The following ALK variants were observed in gnomAD, a reference collection of about 807,000 sequenced individuals.
ALK encodes ALK receptor tyrosine kinase, also known as ALK tyrosine kinase receptor.
ALK carries 74 observed loss-of-function variants against 163.1 expected under a neutral mutation model. That is an observed-to-expected ratio of 0.45 (90% CI 0.38 to 0.55). The LOEUF (loss-of-function observed/expected upper bound fraction) is 0.55, where lower values mean the gene tolerates loss of function less well. ALK is among the 20% of genes least tolerant of loss of function. The pLI, the probability that ALK is intolerant of heterozygous loss-of-function variation, is 0.00. For missense variants in ALK, 2,063 were observed against 2,105.3 expected (o/e 0.98, Z 0.39); for synonymous variants, 960 against 843.2 (o/e 1.14, Z -2.40).
At chr2:29,385,678 A>T (rs1022073581) in intron 4 of ALK, among the ~76,000 whole-genome samples, 9 of 152,186 alleles carry the variant, frequency 5.9e-5, no homozygotes, top group Non-Finnish European at 1.3e-4. Flanking sequence ...GGTGTGAGCC[A>T]CTGCATCAAG....
At chr2:29,255,729 C>G (rs1199548526) in intron 11 of ALK, among the ~76,000 whole-genome samples, 1 of 152,140 alleles carries the variant, frequency 6.6e-6, no homozygotes, top group African/African-American at 2.4e-5. Flanking sequence ...TTGTCTTTTT[C>G]AGAACCTTAC....
At chr2:29,567,491 A>G (rs1378570804) in intron 3 of ALK, among the ~76,000 whole-genome samples, 4 of 152,194 alleles carry the variant, frequency 2.6e-5, no homozygotes, top group Non-Finnish European at 5.9e-5. Flanking sequence ...TTGAATTGAC[A>G]CAGCTTTTGT....
At chr2:29,237,271 G>T (rs1664410321) in intron 13 of ALK, among the ~76,000 whole-genome samples, 1 of 152,116 alleles carries the variant, frequency 6.6e-6, no homozygotes, top group East Asian at 1.9e-4. Context: ...CCCTTCCCTT[G>T]TGTCCATAGA....
At chr2:29,288,361 A>G (rs1165407782) in intron 9 of ALK, among the ~76,000 whole-genome samples, 1 of 152,162 alleles carries the variant, frequency 6.6e-6, no homozygotes, top group African/African-American at 2.4e-5. Context: ...CCACACACCC[A>G]TATCCCTCTC....
At chr2:29,638,044 T>C (rs1253759812) in intron 3 of ALK, among the ~76,000 whole-genome samples, 2 of 152,134 alleles carry the variant, frequency 1.3e-5, no homozygotes, top group African/African-American at 4.8e-5. Flanking sequence ...AGATCAGAGC[T>C]TTTTAGAGGG....
At chr2:29,455,147 G>T (rs1223446293) in intron 4 of ALK, among the ~76,000 whole-genome samples, 2 of 152,134 alleles carry the variant, frequency 1.3e-5, no homozygotes, top group African/African-American at 4.8e-5. Context: ...AGAGAGACGA[G>T]ACTTTAAGAG....
At chr2:29,194,272 C>T (rs1257634865) in intron 28 of ALK, among the ~76,000 whole-genome samples, 2 of 151,222 alleles carry the variant, frequency 1.3e-5, no homozygotes, top group Admixed American at 1.3e-4. Context: ...TCTAGTTCCA[C>T]TAAAATCGTT....
chr2:29,887,709 A>G (rs1667020417), intron 1 of ALK, among the ~76,000 whole-genome samples: 1 of 152,154 alleles, frequency 6.6e-6, no homozygotes, highest in Admixed American at 6.6e-5. Context: ...GGACATTTTA[A>G]AAGTCACACT....
intron 1 of ALK, among the ~76,000 whole-genome samples, chr2:29,828,388 G>A (rs757362669): frequency 9.2e-5 from 14 of 152,164 alleles, no homozygotes; most frequent in Non-Finnish European, 1.9e-4. Flanking sequence ...GCAACCTACA[G>A]AATGGGAGAG....
chr2:29,713,628 A>G (rs1679168124), intron 2 of ALK, among the ~76,000 whole-genome samples: 1 of 152,174 alleles, frequency 6.6e-6, no homozygotes, highest in South Asian at 2.1e-4. Flanking sequence ...TTGTGATATG[A>G]TAGAAAGAGC....
At chr2:29,395,635 T>A (rs1215541764) in intron 4 of ALK, among the ~76,000 whole-genome samples, 1 of 152,204 alleles carries the variant, frequency 6.6e-6, no homozygotes, top group African/African-American at 2.4e-5. Flanking sequence ...GAAATGAGAA[T>A]TGTTGCTCTA....
chr2:29,708,828 T>C (rs1678988073), intron 2 of ALK, among the ~76,000 whole-genome samples: 2 of 152,114 alleles, frequency 1.3e-5, no homozygotes, highest in Non-Finnish European at 2.9e-5. Context: ...CAGATGTGGC[T>C]ATTTGATCAG....
At chr2:29,212,186 C>T (rs1453548768) in intron 24 of ALK, among the ~76,000 whole-genome samples, 2 of 151,806 alleles carry the variant, frequency 1.3e-5, no homozygotes, top group African/African-American at 4.8e-5. Context: ...ACGCGGGTTG[C>T]TCTCATAGGA....
intron 1 of ALK, among the ~76,000 whole-genome samples, chr2:29,801,832 A>G (rs1664474171): frequency 6.6e-6 from 1 of 152,242 alleles, no homozygotes; most frequent in African/African-American, 2.4e-5. Context: ...ATTAAGAATC[A>G]GCTTTAGGAT....
Position 29,216,900 on chromosome 2 carries a change from G to A in ALK, c.3646-2819C>T, listed in dbSNP as rs111206627. On this transcript the variant is annotated intron_variant, in intron 23 of 28. Coordinates refer to ENST00000389048, the MANE Select transcript of ALK (RefSeq NM_004304.5). The stretch of plus-strand genomic sequence containing the variant: ...GCGTGGCATGTGTGATTGGTTGTGA[G>A]TATATGTGGTATATGTCTTTATGGT... Among the ~76,000 whole-genome samples, 678 of 132,126 alleles carry A rather than the reference G, an allele frequency of 5.1e-3. 3 individuals are homozygous for A. Among genetic ancestry groups the A allele is most frequent in the African/African-American group, 0.018 (659 of 36,944 alleles). 86.7% of individuals were successfully genotyped at this position (132,126 alleles called of 152,430 possible). A position where few individuals can be genotyped will look rare whatever the true frequency, so the allele number is the denominator to read the frequency against.
chr2:29,849,618 A>G (rs967812963), intron 1 of ALK, among the ~76,000 whole-genome samples: 2 of 152,212 alleles, frequency 1.3e-5, no homozygotes, highest in African/African-American at 4.8e-5. Flanking sequence ...AGAAACATTT[A>G]CCAAGTGTCC....
intron 4 of ALK, among the ~76,000 whole-genome samples, chr2:29,415,866 G>A (rs748594195): frequency 6.6e-6 from 1 of 152,170 alleles, no homozygotes; most frequent in Non-Finnish European, 1.5e-5. Context: ...TCTTGCCCTT[G>A]GACATCAGAG....
At chr2:29,345,649 T>C (rs949475256) in intron 5 of ALK, among the ~76,000 whole-genome samples, 2 of 152,018 alleles carry the variant, frequency 1.3e-5, no homozygotes, top group Non-Finnish European at 2.9e-5. Flanking sequence ...AATAGAGTTA[T>C]CAGACGCTTA....
chr2:29,616,962 A>T (rs1182339147), intron 3 of ALK, among the ~76,000 whole-genome samples: 1 of 152,046 alleles, frequency 6.6e-6, no homozygotes, highest in Admixed American at 6.5e-5. Context: ...CCACCTCATA[A>T]ATTTGTATGG....
Sources: allele counts gnomAD v4.1 joint callset (sites outside exome capture counted in the v4.1 genomes callset), GRCh38; gene constraint gnomAD v4.1.1; transcripts MANE v1.5; gene names NCBI Gene and HGNC (gene_info 2026-07-23, HGNC 2026-07-21).